Variants in EPB41 observed in about 807,000 individuals in gnomAD.
The protein encoded by EPB41 is protein 4.1.
EPB41 carries 65 observed loss-of-function variants against 108.0 expected under a neutral mutation model. The ratio of observed to expected loss-of-function variants is 0.60; its 90% CI spans 0.49 to 0.74. EPB41 has a LOEUF of 0.74. Among genes scored for constraint, EPB41 ranks in the 30% least tolerant of loss-of-function variants. The pLI is 0.00. For missense variants in EPB41, 875 were observed against 1,037.0 expected (o/e 0.84, Z 2.15); for synonymous variants, 336 against 358.9 (o/e 0.94, Z 0.72).
At chr1:28,922,215 G>T (rs552684364) in intron 1 of EPB41, among the ~76,000 whole-genome samples, 77 of 151,650 alleles carry the variant, frequency 5.1e-4, no homozygotes, top group African/African-American at 1.7e-3. Flanking sequence ...TGGTCCGCCC[G>T]CCTTGGCCTC....
intron 17 of EPB41, among the ~76,000 whole-genome samples, chr1:29,098,827 A>C (rs1664191099): frequency 6.6e-6 from 1 of 151,582 alleles, no homozygotes; most frequent in Admixed American, 6.6e-5. Flanking sequence ...GCTCACTGCA[A>C]CCTCTGCCTT....
chr1:29,006,640 C>T (rs113908649), intron 4 of EPB41, among the ~76,000 whole-genome samples: 1 of 152,214 alleles, frequency 6.6e-6, no homozygotes, highest in Non-Finnish European at 1.5e-5. Context: ...CTTCCAGTCA[C>T]TACCTCCAAC....
At position 28,987,510 on chromosome 1, in the gene EPB41, G is replaced by A. The variant is rs1211648633; in HGVS notation, c.73G>A (p.Ala25Thr). The change falls in exon 2 of 21, where the codon GCC becomes ACC. Residue 25 changes from alanine (A) to threonine (T), a missense_variant. Around this residue, in one of 3 missense-constraint regions of EPB41, gnomAD observed 353 missense variants for 393.2 expected, o/e 0.90. Coordinates refer to ENST00000343067, the MANE Select transcript of EPB41 (RefSeq NM_001376013.1). The part of the protein sequence containing the change: ...QHQQKEEGEE[A>T]INSGQQEPQQ... Reference sequence around the variant, plus strand: ...CCAACAGAAGGAAGAGGGTGAGGAAGCCATAAACTCAGGCCAACAAGAACC... The same window carrying A: ...CCAACAGAAGGAAGAGGGTGAGGAAACCATAAACTCAGGCCAACAAGAACC... 6 of 1,614,042 alleles carry A rather than the reference G, an allele frequency of 3.7e-6. No homozygotes were observed. In the African/African-American group the frequency reaches 4.0e-5, roughly 11 times the overall value.
At chr1:28,923,286 G>A (rs1418682349) in intron 1 of EPB41, among the ~76,000 whole-genome samples, 3 of 150,664 alleles carry the variant, frequency 2.0e-5, no homozygotes, top group African/African-American at 7.3e-5. Context: ...GTAGAGACAG[G>A]GTTTCACTAT....
chr1:29,036,756 A>G (rs1639648039), intron 10 of EPB41, among the ~76,000 whole-genome samples: 1 of 150,810 alleles, frequency 6.6e-6, no homozygotes, highest in African/African-American at 2.4e-5. Flanking sequence ...GCTCACTGCA[A>G]ACTCCTACTC....
At chr1:28,987,949 T>A (rs746787049) in intron 2 of EPB41, 44 bp downstream of exon 2, 3 of 1,588,140 alleles carry the variant, frequency 1.9e-6, no homozygotes, top group Non-Finnish European at 2.6e-6. Context: ...GAAGGCAGGT[T>A]ATACACTTTA....
chr1:29,004,678 C>T (rs1236984308), intron 4 of EPB41, among the ~76,000 whole-genome samples: 2 of 152,154 alleles, frequency 1.3e-5, no homozygotes, highest in Non-Finnish European at 2.9e-5. Flanking sequence ...GTCAACACCT[C>T]TAATGAATTT....
intron 9 of EPB41, among the ~76,000 whole-genome samples, chr1:29,035,476 C>G (rs996492969): frequency 2.0e-5 from 3 of 151,786 alleles, no homozygotes; most frequent in Non-Finnish European, 4.4e-5. Context: ...TGAACAGTGT[C>G]CCAAATGCAG....
intron 1 of EPB41, among the ~76,000 whole-genome samples, chr1:28,916,034 T>C (rs2092635249): frequency 2.0e-5 from 3 of 152,216 alleles, no homozygotes; most frequent in Non-Finnish European, 4.4e-5. Flanking sequence ...CTACTTTTTA[T>C]GGAAACTTGA....
chr1:29,011,931 T>C (rs371091760), intron 5 of EPB41, 24 bp downstream of exon 5: 34 of 1,613,402 alleles, frequency 2.1e-5, no homozygotes, highest in Non-Finnish European at 2.8e-5. Flanking sequence ...GCTCTTTTTA[T>C]AGTTCTTTCT....
chr1:29,038,444 T>G (rs1640303721), intron 10 of EPB41, among the ~76,000 whole-genome samples: 2 of 152,232 alleles, frequency 1.3e-5, no homozygotes, highest in African/African-American at 2.4e-5. Context: ...CCTTAAAATC[T>G]AATGCTCCCT....
chr1:28,993,548 T>G lies in EPB41; in HGVS notation c.681+6T>G. ...TTTATGAATGTGTTGTGGAGGTGAG[T>G]ATGTTTTCATTTCCAACAATCAGAA... is the stretch of plus-strand genomic sequence containing the variant. On this transcript the variant is annotated splice_donor_region_variant and intron_variant, in intron 3 of 20. Transcript: ENST00000343067. 1 of 1,613,102 alleles carries G rather than the reference T, an allele frequency of 6.2e-7. No individual in the cohort carries two copies. The highest frequency in any genetic ancestry group is 8.5e-7 in the Non-Finnish European group (1 of 1,179,312).
At chr1:29,085,141 CTT>C (rs527593950) in intron 16 of EPB41, among the ~76,000 whole-genome samples, 7 of 117,312 alleles carry the variant, frequency 6.0e-5, no homozygotes, top group Non-Finnish European at 7.0e-5. Flanking sequence ...CTTTGATCTT[CTT>C]TTTTTTTTTT....
chr1:29,095,785 G>T lies in EPB41; in HGVS notation c.2185-2022G>T, dbSNP rs573205513. ...AGACCCTGTCTCAAAAAAAAAAAAA[G>T]AATATATTTTGATTGATGCACAAAT... On this transcript the variant is annotated intron_variant, in intron 16 of 20. Coordinates refer to ENST00000343067, the MANE Select transcript of EPB41 (RefSeq NM_001376013.1). 3.3e-5 allele frequency among the ~76,000 whole-genome samples: 5 copies of T among 151,566 alleles called. No individual in the cohort carries two copies. The East Asian group carries it at 5.8e-4, about 18-fold the overall frequency.
intron 5 of EPB41, among the ~76,000 whole-genome samples, chr1:29,012,541 C>T (rs2096520890): frequency 6.6e-6 from 1 of 152,148 alleles, no homozygotes; most frequent in Non-Finnish European, 1.5e-5. Context: ...ATAAATATTT[C>T]TGGGCTGAAA....
At chr1:28,971,180 C>CTTTTTTTTTTTTTTTTTTTTTTTT (rs1000130058) in intron 1 of EPB41, among the ~76,000 whole-genome samples, 11 of 66,320 alleles carry the variant, frequency 1.7e-4, no homozygotes, top group East Asian at 5.2e-4. Context: ...TTCTTTCTTT[C>CTTTTTTTTTTTTTTTTTTTTTTTT]TTTTTTTTTT....
intron 19 of EPB41, among the ~76,000 whole-genome samples, chr1:29,114,789 AT>A (rs1423442453): frequency 6.6e-6 from 1 of 152,166 alleles, no homozygotes; most frequent in East Asian, 1.9e-4. Flanking sequence ...GTAAAAAGTA[AT>A]GATAATAGTT....
At chr1:29,107,055 C>T (rs903295541) in intron 17 of EPB41, among the ~76,000 whole-genome samples, 2 of 151,868 alleles carry the variant, frequency 1.3e-5, no homozygotes, top group East Asian at 2.0e-4. Flanking sequence ...TGGTGGCATG[C>T]GCCTGTAATC....
At chr1:28,940,600 C>A (rs939348091) in intron 1 of EPB41, among the ~76,000 whole-genome samples, 3 of 152,004 alleles carry the variant, frequency 2.0e-5, no homozygotes, top group Non-Finnish European at 4.4e-5. Context: ...TGCAGTGAGT[C>A]GAGATCGCGC....
Sources: gnomAD v4.1 joint callset for allele counts (sites outside exome capture counted in the v4.1 genomes callset) on GRCh38, gnomAD v4.1.1 for gene constraint, gnomAD v4.1.1 regional missense constraint, MANE v1.5 for transcripts, NCBI Gene and HGNC (gene_info 2026-07-23, HGNC 2026-07-21) for gene names.